IFT56: variants seen among roughly 807,000 people sequenced by gnomAD.
IFT56 encodes intraflagellar transport 56.
chr7:139,155,274 C>T, the IFT56 span, among the ~76,000 whole-genome samples: 1 of 152,112 alleles, frequency 6.6e-6, no homozygotes, highest in South Asian at 2.1e-4. Flanking sequence ...TTTGCTACTA[C>T]CTTTCCAGTC....
chr7:139,142,490 A>C, the IFT56 span, among the ~76,000 whole-genome samples: 1 of 152,090 alleles, frequency 6.6e-6, no homozygotes, highest in Admixed American at 6.5e-5. Flanking sequence ...TACCTACTGC[A>C]TTTATTCAGA....
chr7:139,133,885 A>C, the IFT56 span: 1 of 1,614,116 alleles, frequency 6.2e-7, no homozygotes, highest in Non-Finnish European at 8.5e-7. Flanking sequence ...ATAGTAAGGG[A>C]GTACTTTGAG....
the IFT56 span, chr7:139,139,768 A>C: frequency 1.5e-5 from 9 of 617,850 alleles, no homozygotes; most frequent in East Asian, 2.6e-4. Flanking sequence ...ATTGCAGAGC[A>C]TGTAGGATTC....
chr7:139,147,387 C>G, the IFT56 span: 2 of 1,018,880 alleles, frequency 2.0e-6, no homozygotes, highest in Non-Finnish European at 2.8e-6. Flanking sequence ...TCTAGTACCA[C>G]TATGTGTTCA....
At chr7:139,152,018 G>A in the IFT56 span, among the ~76,000 whole-genome samples, 11 of 152,114 alleles carry the variant, frequency 7.2e-5, no homozygotes, top group South Asian at 2.1e-4. Context: ...CTGAGATTGC[G>A]CCACTACATT....
At chr7:139,174,290 C>T in the IFT56 span, 20 of 565,450 alleles carry the variant, frequency 3.5e-5, no homozygotes, top group South Asian at 2.6e-4. Flanking sequence ...CAGGGCGTCC[C>T]ACGGGAGCCC....
At chr7:139,170,011 T>C in the IFT56 span, among the ~76,000 whole-genome samples, 1 of 152,116 alleles carries the variant, frequency 6.6e-6, no homozygotes, top group Admixed American at 6.6e-5. Flanking sequence ...GAGACCGTCA[T>C]CTCAAATATG....
chr7:139,175,210 A>ATT, the IFT56 span, among the ~76,000 whole-genome samples: 2 of 152,128 alleles, frequency 1.3e-5, no homozygotes, highest in African/African-American at 4.8e-5. Flanking sequence ...TGTAGAGAAA[A>ATT]GGGACCTTCG....
the IFT56 span, among the ~76,000 whole-genome samples, chr7:139,143,058 G>A: frequency 6.6e-6 from 1 of 151,770 alleles, no homozygotes; most frequent in Non-Finnish European, 1.5e-5. Flanking sequence ...TCCACCAAAT[G>A]CATCATATGT....
the IFT56 span, among the ~76,000 whole-genome samples, chr7:139,139,450 A>G: frequency 6.6e-6 from 1 of 152,228 alleles, no homozygotes; most frequent in African/African-American, 2.4e-5. Flanking sequence ...AAACATTTAA[A>G]AAATCTGAAG....
chr7:139,173,417 C>T, the IFT56 span: 53 of 522,162 alleles, frequency 1.0e-4, no homozygotes, highest in South Asian at 8.0e-4. Flanking sequence ...TTACTAGAGA[C>T]GAGGTTTCGC....
the IFT56 span, chr7:139,165,283 A>G: frequency 7.9e-7 from 1 of 1,262,500 alleles, no homozygotes; most frequent in South Asian, 1.3e-5. Context: ...ATTTTAGAAT[A>G]GTTAAATATG....
the IFT56 span, chr7:139,168,581 A>C: frequency 1.7e-3 from 920 of 539,392 alleles, no homozygotes; most frequent in East Asian, 5.6e-3. Context: ...AAAAAAAAAA[A>C]CAAAAAAAAA....
chr7:139,135,932 T>C, the IFT56 span, among the ~76,000 whole-genome samples: 9 of 152,296 alleles, frequency 5.9e-5, no homozygotes, highest in East Asian at 1.3e-3. Context: ...TTTTCTTTTT[T>C]CTTTTTTTGA....
At chr7:139,162,239 A>C in the IFT56 span, among the ~76,000 whole-genome samples, 6 of 152,182 alleles carry the variant, frequency 3.9e-5, no homozygotes, top group Admixed American at 6.5e-5. Context: ...TTAATGATGC[A>C]TGGGCCCCAT....
the IFT56 span, among the ~76,000 whole-genome samples, chr7:139,188,275 A>G: frequency 6.6e-6 from 1 of 151,382 alleles, no homozygotes; most frequent in African/African-American, 2.4e-5. Flanking sequence ...TAATTTTTGT[A>G]TTTTTAGTAG....
the IFT56 span, among the ~76,000 whole-genome samples, chr7:139,135,594 A>G: frequency 6.6e-6 from 1 of 152,208 alleles, no homozygotes; most frequent in Non-Finnish European, 1.5e-5. Flanking sequence ...ACTTAATAAG[A>G]TATCGATTCC....
At chr7:139,147,091 T>C in the IFT56 span, 2 of 1,604,652 alleles carry the variant, frequency 1.2e-6, no homozygotes, top group East Asian at 2.2e-5. Context: ...TATTGATTTC[T>C]CTAACAACAC....
At chr7:139,159,134 G>T in the IFT56 span, among the ~76,000 whole-genome samples, 1 of 152,124 alleles carries the variant, frequency 6.6e-6, no homozygotes, top group Non-Finnish European at 1.5e-5. Context: ...ATTGAAGCAG[G>T]TACCATATGT....
Sources: gnomAD v4.1 joint callset for allele counts (sites outside exome capture counted in the v4.1 genomes callset) on GRCh38, gnomAD v4.1.1 for gene constraint, MANE v1.5 for transcripts, NCBI Gene and HGNC (gene_info 2026-07-23, HGNC 2026-07-21) for gene names.